Variants in PPP2R2B observed in about 807,000 individuals in gnomAD.
The protein encoded by PPP2R2B is serine/threonine-protein phosphatase 2A 55 kDa regulatory subunit B beta isoform.
PPP2R2B carries 5 observed loss-of-function variants against 46.0 expected under a neutral mutation model. The ratio of observed to expected loss-of-function variants is 0.11; its 90% CI spans 0.06 to 0.23. The LOEUF is 0.23. Among genes scored for constraint, PPP2R2B ranks in the 10% least tolerant of loss-of-function variants. The pLI is 1.00. For missense variants in PPP2R2B, 367 were observed against 575.0 expected (o/e 0.64, Z 3.70); for synonymous variants, 215 against 206.7 (o/e 1.04, Z -0.34).
chr5:146,785,636 C>CA (rs1232345475), intron 2 of PPP2R2B, among the ~76,000 whole-genome samples: 1 of 152,090 alleles, frequency 6.6e-6, no homozygotes, highest in Non-Finnish European at 1.5e-5. Context: ...TTTAAACTTA[C>CA]AAAGGCAAGC....
intron 1 of PPP2R2B, among the ~76,000 whole-genome samples, chr5:147,039,458 G>T (rs1756194072): frequency 6.6e-6 from 1 of 152,056 alleles, no homozygotes; most frequent in Non-Finnish European, 1.5e-5. Context: ...ATCCCGGGGG[G>T]CTCTACTTCT....
At chr5:147,034,045 C>CGCCT (rs1328225465) in intron 1 of PPP2R2B, among the ~76,000 whole-genome samples, 1 of 152,190 alleles carries the variant, frequency 6.6e-6, no homozygotes, top group Non-Finnish European at 1.5e-5. Context: ...TATGGCCTAG[C>CGCCT]GCCTACCTTC....
chr5:146,938,625 T>C (rs1764227192), intron 1 of PPP2R2B, among the ~76,000 whole-genome samples: 1 of 152,122 alleles, frequency 6.6e-6, no homozygotes. Flanking sequence ...CATGTTTACA[T>C]AGGAATTAAA....
At chr5:146,750,717 A>G (rs1391221217) in intron 2 of PPP2R2B, among the ~76,000 whole-genome samples, 1 of 152,220 alleles carries the variant, frequency 6.6e-6, no homozygotes, top group Non-Finnish European at 1.5e-5. Context: ...TCTCATGGTT[A>G]AGAACATGGG....
At chr5:146,667,340 A>G (rs900023920) in intron 5 of PPP2R2B, among the ~76,000 whole-genome samples, 15 of 97,542 alleles carry the variant, frequency 1.5e-4, no homozygotes, top group African/African-American at 7.1e-4. Context: ...GCGCACACAC[A>G]CACACACACA....
intron 2 of PPP2R2B, among the ~76,000 whole-genome samples, chr5:146,834,804 T>C (rs970990454): frequency 6.6e-6 from 1 of 152,150 alleles, no homozygotes; most frequent in Non-Finnish European, 1.5e-5. Flanking sequence ...GTCCTCAGTG[T>C]CTATTTTTCC....
At chr5:146,749,436 C>G (rs183577828) in intron 2 of PPP2R2B, among the ~76,000 whole-genome samples, 1 of 151,992 alleles carries the variant, frequency 6.6e-6, no homozygotes, top group East Asian at 1.9e-4. Context: ...CATAAGAACT[C>G]TTTGCCTAGC....
intron 2 of PPP2R2B, among the ~76,000 whole-genome samples, chr5:146,716,694 T>C (rs1423139443): frequency 6.6e-6 from 1 of 152,174 alleles, no homozygotes; most frequent in Non-Finnish European, 1.5e-5. Context: ...CTGGAAATTA[T>C]CCTCTTAGAA....
chr5:146,930,918 A>G (rs1043460843), intron 1 of PPP2R2B, among the ~76,000 whole-genome samples: 67 of 152,218 alleles, frequency 4.4e-4, no homozygotes, highest in African/African-American at 1.6e-3. Context: ...CAAATACCAC[A>G]TGGTATTACT....
intron 1 of PPP2R2B, among the ~76,000 whole-genome samples, chr5:147,047,479 C>G (rs971153094): frequency 1.2e-4 from 18 of 152,030 alleles, no homozygotes; most frequent in African/African-American, 4.1e-4. Context: ...GTACACAGGC[C>G]AAGAATTGAT....
intron 2 of PPP2R2B, among the ~76,000 whole-genome samples, chr5:146,730,965 G>A (rs761880190): frequency 2.6e-5 from 4 of 152,142 alleles, no homozygotes; most frequent in Admixed American, 6.5e-5. Context: ...TGAGGCCTTC[G>A]AGGCTCACAG....
At chr5:146,782,525 C>T (rs1232925505) in intron 2 of PPP2R2B, among the ~76,000 whole-genome samples, 3 of 152,186 alleles carry the variant, frequency 2.0e-5, no homozygotes, top group Non-Finnish European at 4.4e-5. Flanking sequence ...GTGATGACTA[C>T]CTGATTCCTC....
intron 1 of PPP2R2B, among the ~76,000 whole-genome samples, chr5:146,914,876 A>G (rs1763322720): frequency 6.6e-6 from 1 of 152,280 alleles, no homozygotes; most frequent in Non-Finnish European, 1.5e-5. Context: ...GTCTTTCTCT[A>G]GCTCAAATGT....
At chr5:146,643,958 C>T (rs1775402805) in intron 6 of PPP2R2B, among the ~76,000 whole-genome samples, 1 of 152,148 alleles carries the variant, frequency 6.6e-6, no homozygotes, top group Admixed American at 6.5e-5. Context: ...AGCAGGAAAG[C>T]AGCCATAGAT....
intron 2 of PPP2R2B, among the ~76,000 whole-genome samples, chr5:146,723,482 C>A (rs1751656089): frequency 6.6e-6 from 1 of 152,058 alleles, no homozygotes; most frequent in Non-Finnish European, 1.5e-5. Context: ...TGTCCTGTAC[C>A]TTTATGTGGG....
chr5:146,807,067 G>T (rs910182771), intron 2 of PPP2R2B, among the ~76,000 whole-genome samples: 6 of 152,140 alleles, frequency 3.9e-5, no homozygotes, highest in African/African-American at 1.2e-4. Flanking sequence ...GGGAGACCTG[G>T]GGGCCTGGCA....
chr5:146,902,991 A>T (rs1762883517), intron 1 of PPP2R2B, among the ~76,000 whole-genome samples: 1 of 152,200 alleles, frequency 6.6e-6, no homozygotes, highest in South Asian at 2.1e-4. Context: ...TCATTCTCTC[A>T]TGAGTGTACA....
intron 5 of PPP2R2B, among the ~76,000 whole-genome samples, chr5:146,687,692 A>T (rs1476959465): frequency 6.6e-6 from 1 of 152,176 alleles, no homozygotes. Flanking sequence ...TTTCATAGAC[A>T]TGCTTCTCAT....
intron 2 of PPP2R2B, among the ~76,000 whole-genome samples, chr5:146,858,957 C>T (rs563312484): frequency 6.6e-6 from 1 of 152,252 alleles, no homozygotes; most frequent in African/African-American, 2.4e-5. Flanking sequence ...CCCAAAGAAC[C>T]TTGTTCTAAA....
Sources: gnomAD v4.1 joint callset for allele counts (sites outside exome capture counted in the v4.1 genomes callset) on GRCh38, gnomAD v4.1.1 for gene constraint, MANE v1.5 for transcripts, NCBI Gene and HGNC (gene_info 2026-07-23, HGNC 2026-07-21) for gene names.